ARID1A: variants seen among roughly 807,000 people sequenced by gnomAD.
The protein encoded by ARID1A is AT-rich interactive domain-containing protein 1A.
Under a neutral mutation model 212.6 loss-of-function variants are expected in ARID1A, and 20 were observed. The ratio of observed to expected loss-of-function variants is 0.09; its 90% CI spans 0.07 to 0.14. The LOEUF (loss-of-function observed/expected upper bound fraction) is 0.14. Among genes scored for constraint, ARID1A ranks in the 10% least tolerant of loss-of-function variants. ARID1A has a pLI of 1.00. For missense variants in ARID1A, 2,587 were observed against 3,059.0 expected (o/e 0.85, Z 3.64); for synonymous variants, 1,376 against 1,222.1 (o/e 1.13, Z -2.63).
At chr1:26,747,528 A>G (rs536191781) in intron 4 of ARID1A, among the ~76,000 whole-genome samples, 192 of 152,120 alleles carry the variant, frequency 1.3e-3, no homozygotes, top group Non-Finnish European at 2.2e-3. Context: ...GGGGAAGGTA[A>G]GAGAAACCAA....
chr1:26,780,846 C>G lies in ARID1A; in HGVS notation c.*90C>G. ...TTGCCCTTTATTTATGCAAAACCAC[C>G]TCAGAATCCAGTTTACCCTGTGCTG... On this transcript the variant is annotated 3_prime_UTR_variant, in exon 20 of 20. Transcript: ENST00000324856. The surrounding 1 kb of genome is among the most constrained non-coding windows in gnomAD (Gnocchi z 7.2). 6.8e-7 allele frequency: 1 copy of G among 1,472,380 alleles called. No individual in the cohort carries two copies. Among genetic ancestry groups the G allele is most frequent in the Non-Finnish European group, 9.1e-7 (1 of 1,103,548 alleles). 91.2% of individuals were successfully genotyped at this position (1,472,380 alleles called of 1,614,324 possible). A position where few individuals can be genotyped will look rare whatever the true frequency, so the allele number is the denominator to read the frequency against.
intron 19 of ARID1A, among the ~76,000 whole-genome samples, chr1:26,776,820 G>A (rs2081140672): frequency 6.6e-6 from 1 of 152,132 alleles, no homozygotes; most frequent in Non-Finnish European, 1.5e-5. Context: ...AGAGGTAGGA[G>A]GTATGGCCAT....
Position 26,696,944 on chromosome 1 carries a change from C to G in ARID1A, c.541C>G (p.Leu181Val), listed in dbSNP as rs749190334. The change falls in exon 1 of 20, where the codon CTG becomes GTG. Residue 181 changes from leucine to valine, a missense_variant. Leu to Val is a conservative substitution (Grantham distance 32). Coordinates refer to ENST00000324856, the MANE Select transcript of ARID1A (RefSeq NM_006015.6). ...QQHGGQQSPG[L>V]AALQSGGGGG... ...ACATGGCGGACAACAAAGCCCTGGC[C>G]TGGCAGCGCTGCAGAGCGGCGGCGG... 1 of 1,454,106 alleles carries G rather than the reference C, an allele frequency of 6.9e-7. No individual in the cohort carries two copies. 90.1% of individuals were successfully genotyped at this position (1,454,106 alleles called of 1,614,324 possible).
At chr1:26,763,387 G>T in intron 8 of ARID1A, 102 bp downstream of exon 8, 1 of 1,320,560 alleles carries the variant, frequency 7.6e-7, no homozygotes. Context: ...GGGGGAAAAT[G>T]GGTGTGTGTG....
At chr1:26,761,347 G>T in intron 5 of ARID1A, 37 bp from the exon 6 acceptor site, 1 of 1,610,142 alleles carries the variant, frequency 6.2e-7, no homozygotes, top group Non-Finnish European at 8.5e-7. Context: ...CCCAGGCTTA[G>T]CCATGATATG....
At chr1:26,725,841 C>G (rs2080610924) in intron 1 of ARID1A, among the ~76,000 whole-genome samples, 1 of 149,454 alleles carries the variant, frequency 6.7e-6, no homozygotes, top group Non-Finnish European at 1.5e-5. Flanking sequence ...GAAATTCTCT[C>G]TGGTATAAAC....
At chr1:26,746,559 A>C (rs1172409367) in intron 4 of ARID1A, among the ~76,000 whole-genome samples, 1 of 151,382 alleles carries the variant, frequency 6.6e-6, no homozygotes, top group Non-Finnish European at 1.5e-5. Context: ...CTGTTTCTTC[A>C]AACTTGGCCC....
intron 4 of ARID1A, among the ~76,000 whole-genome samples, chr1:26,754,992 G>C (rs1490586697): frequency 6.6e-6 from 1 of 152,080 alleles, no homozygotes; most frequent in Non-Finnish European, 1.5e-5. Flanking sequence ...GTCTGTAGTC[G>C]CAGCTACTCT....
At position 26,772,361 on chromosome 1, in the gene ARID1A, C is replaced by G. The variant is rs1008059773; in HGVS notation, c.3407-139C>G. ...TCTTTATGACCTGGCCTTGTAGATC[C>G]TCTGCTAAGAAGGGTGATCAGGCTT... On this transcript the variant is annotated intron_variant, in intron 12 of 19. Coordinates refer to ENST00000324856, the MANE Select transcript of ARID1A (RefSeq NM_006015.6). 4 of 1,256,638 alleles carry G rather than the reference C, an allele frequency of 3.2e-6. No individual in the cohort carries two copies. The South Asian group carries it at 6.0e-5, about 19-fold the overall frequency. 77.8% of individuals were successfully genotyped at this position (1,256,638 alleles called of 1,614,324 possible).
chr1:26,737,069 G>A (rs2080739496), intron 4 of ARID1A, among the ~76,000 whole-genome samples: 1 of 152,054 alleles, frequency 6.6e-6, no homozygotes, highest in Admixed American at 6.5e-5. Flanking sequence ...GCACCATCCT[G>A]TATTTGACAG....
At position 26,761,272 on chromosome 1, in the gene ARID1A, A is replaced by G; in HGVS notation, c.2162-112A>G. On this transcript the variant is annotated intron_variant, in intron 5 of 19. Transcript: ENST00000324856. Reference sequence around the variant, plus strand: ...TTGGCTGGATCTCTTTGTGTGTGATACTGGGAGGTACTTGGCCTCTTCATG... The same window carrying G: ...TTGGCTGGATCTCTTTGTGTGTGATGCTGGGAGGTACTTGGCCTCTTCATG... The G allele has an allele frequency of 1.7e-5, 25 of 1,451,522 alleles. No homozygotes were observed. The South Asian group carries it at 3.2e-4, about 19-fold the overall frequency. 89.9% of individuals were successfully genotyped at this position (1,451,522 alleles called of 1,614,324 possible). A position where few individuals can be genotyped will look rare whatever the true frequency, so the allele number is the denominator to read the frequency against.
rs2124054027 is a variant in ARID1A at position 26,760,880 on chromosome 1, C to T, written c.1945C>T (p.Leu649Phe). Residue 649 changes from leucine (L) to phenylalanine (F), a missense_variant, in exon 5 of 20, where the codon CTC (leucine) becomes TTC (phenylalanine). This residue lies in a region of ARID1A where 674 missense variants were observed against 813.4 expected (regional missense o/e 0.83). Coordinates refer to ENST00000324856, the MANE Select transcript of ARID1A (RefSeq NM_006015.6). ...GGATCTATCTGGTTCAATAGATGAC[C>T]TCCCCATGGGGACAGAAGGAGCTCT... ...LPDLSGSIDD[L>F]PMGTEGALSP... is the part of the protein sequence containing the mutation. The T allele has an allele frequency of 6.2e-7, 1 of 1,613,428 alleles. No homozygotes were observed. The highest frequency in any genetic ancestry group is 8.5e-7 in the Non-Finnish European group (1 of 1,179,578).
chr1:26,781,847 TTTTTG>T lies in ARID1A; in HGVS notation c.*1106_*1110del, dbSNP rs747724215. 8.6e-5 allele frequency: 20 copies of T among 233,630 alleles called. No homozygotes were observed. Among genetic ancestry groups the T allele is most frequent in the East Asian group, 5.4e-4 (9 of 16,582 alleles). 14.5% of individuals were successfully genotyped at this position (233,630 alleles called of 1,614,324 possible). On this transcript the variant is annotated 3_prime_UTR_variant, in exon 20 of 20. Coordinates refer to ENST00000324856, the MANE Select transcript of ARID1A (RefSeq NM_006015.6). ...AACTTATAGTTTATTTTTTTCTGGG[TTTTTG>T]TTTTGTTTTGTTTTCTTTCTAATCG...
Position 26,697,534 on chromosome 1 carries a change from C to A in ARID1A, c.1131C>A (p.Thr377=), listed in dbSNP as rs532591067. 2 of 1,381,752 alleles carry A rather than the reference C, an allele frequency of 1.4e-6. No individual in the cohort carries two copies. Among genetic ancestry groups the A allele is most frequent in the South Asian group, 1.7e-5 (1 of 60,022 alleles). 85.6% of individuals were successfully genotyped at this position (1,381,752 alleles called of 1,614,324 possible). A position where few individuals can be genotyped will look rare whatever the true frequency, so the allele number is the denominator to read the frequency against. Residue 377 remains threonine (T), a synonymous_variant, in exon 1 of 20, where the codon ACC becomes ACA. Coordinates refer to ENST00000324856, the MANE Select transcript of ARID1A (RefSeq NM_006015.6). ...GCGGGGGGCAGCCGCTCGCCCGGAC[C>A]CCTCAGGTACACAGCTGAGTGGGGA... ...SGGGGQPLAR[T]PQPSSPMDQM... is the part of the protein sequence containing the mutation.
chr1:26,703,663 C>T (rs1327524658), intron 1 of ARID1A, among the ~76,000 whole-genome samples: 1 of 152,170 alleles, frequency 6.6e-6, no homozygotes, highest in East Asian at 1.9e-4. Context: ...GGTCCTTTCC[C>T]AGTATGTTGG....
chr1:26,708,138 A>ATAGCTG (rs1197679303), intron 1 of ARID1A, among the ~76,000 whole-genome samples: 1 of 151,912 alleles, frequency 6.6e-6, no homozygotes, highest in Non-Finnish European at 1.5e-5. Context: ...CACTTGGTTT[A>ATAGCTG]TAGCTGCCTT....
At chr1:26,757,144 G>T (rs1212174506) in intron 4 of ARID1A, among the ~76,000 whole-genome samples, 4 of 151,690 alleles carry the variant, frequency 2.6e-5, no homozygotes, top group Non-Finnish European at 4.4e-5. Flanking sequence ...GAACCTGGGA[G>T]GTGGAGGTTG....
intron 14 of ARID1A, 46 bp from the exon 15 acceptor site, chr1:26,773,300 C>T (rs2124109767): frequency 6.5e-7 from 1 of 1,528,980 alleles, no homozygotes; most frequent in Non-Finnish European, 8.8e-7. Context: ...GATTACCAGG[C>T]TTGTCAACTT....
intron 1 of ARID1A, among the ~76,000 whole-genome samples, chr1:26,716,977 T>C (rs75849063): frequency 0.058 from 8,860 of 152,188 alleles, 366 homozygotes; most frequent in Non-Finnish European, 0.087. Flanking sequence ...GGCATCTTGC[T>C]CCCCGGGTAA....
Sources: gnomAD v4.1 joint callset for allele counts (sites outside exome capture counted in the v4.1 genomes callset) on GRCh38, gnomAD v4.1.1 for gene constraint, gnomAD v4.1.1 regional missense constraint, Gnocchi (gnomAD v3.1) non-coding constraint, MANE v1.5 for transcripts, NCBI Gene and HGNC (gene_info 2026-07-23, HGNC 2026-07-21) for gene names.